The following ERC2 variants were observed in gnomAD, a reference collection of about 807,000 sequenced individuals.
The protein encoded by ERC2 is ELKS/RAB6-interacting/CAST family member 2.
In ERC2, 42 loss-of-function variants were observed where a neutral mutation model predicts 114.8. The ratio of observed to expected loss-of-function variants is 0.37; its 90% CI spans 0.29 to 0.47. The LOEUF (loss-of-function observed/expected upper bound fraction) is 0.47, where lower values mean the gene tolerates loss of function less well. Ranked by LOEUF, ERC2 falls within the 20% of genes least tolerant of loss-of-function variation. ERC2 has a pLI of 0.99. For missense variants in ERC2, 939 were observed against 1,150.7 expected, an observed-to-expected ratio of 0.82 and a Z score of 2.66; for synonymous variants, 454 against 425.5, an observed-to-expected ratio of 1.07 and a Z score of -0.82.
intron 14 of ERC2, among the ~76,000 whole-genome samples, chr3:55,856,598 A>G (rs1226426919): frequency 6.6e-6 from 1 of 152,200 alleles, no homozygotes; most frequent in Admixed American, 6.5e-5. Flanking sequence ...ATACACATAC[A>G]ATATAATGCA....
At chr3:55,814,377 T>C (rs1331004711) in intron 14 of ERC2, among the ~76,000 whole-genome samples, 1 of 152,214 alleles carries the variant, frequency 6.6e-6, no homozygotes, top group Non-Finnish European at 1.5e-5. Context: ...AGTTTATAAA[T>C]TGCTGGAGAA....
chr3:56,143,132 G>C (rs965935014), intron 5 of ERC2, among the ~76,000 whole-genome samples: 5 of 152,146 alleles, frequency 3.3e-5, no homozygotes, highest in African/African-American at 1.2e-4. Context: ...ATATGGTAAG[G>C]TTATTTTTAG....
intron 3 of ERC2, among the ~76,000 whole-genome samples, chr3:56,207,727 C>T (rs577434200): frequency 1.3e-5 from 2 of 152,076 alleles, no homozygotes; most frequent in African/African-American, 2.4e-5. Context: ...TACATGCAAC[C>T]TCTTCACCAT....
chr3:56,257,247 C>CA (rs2052583925), intron 3 of ERC2, among the ~76,000 whole-genome samples: 1 of 152,274 alleles, frequency 6.6e-6, no homozygotes, highest in South Asian at 2.1e-4. Context: ...CAATAAATCC[C>CA]ATCCTCTCTG....
chr3:55,779,418 T>G (rs1023430622), intron 14 of ERC2, among the ~76,000 whole-genome samples: 3 of 151,560 alleles, frequency 2.0e-5, no homozygotes, highest in African/African-American at 7.3e-5. Context: ...GGAGAATCAC[T>G]TAAATCCAGG....
intron 17 of ERC2, among the ~76,000 whole-genome samples, chr3:55,526,615 A>C (rs1418825767): frequency 6.6e-6 from 1 of 152,212 alleles, no homozygotes; most frequent in Non-Finnish European, 1.5e-5. Flanking sequence ...TGAAAGCCCC[A>C]ACAGGTTTTT....
intron 6 of ERC2, among the ~76,000 whole-genome samples, chr3:56,082,547 C>G (rs921097287): frequency 6.6e-6 from 1 of 152,124 alleles, no homozygotes; most frequent in African/African-American, 2.4e-5. Flanking sequence ...CACCTTAACA[C>G]TTGATTGTAT....
At chr3:56,033,370 C>T (rs1220106367) in intron 7 of ERC2, among the ~76,000 whole-genome samples, 5 of 152,264 alleles carry the variant, frequency 3.3e-5, no homozygotes, top group African/African-American at 1.2e-4. Flanking sequence ...TTTTAGAGTA[C>T]CAAAAATGTG....
intron 14 of ERC2, among the ~76,000 whole-genome samples, chr3:55,750,981 T>C (rs2066666087): frequency 6.6e-6 from 1 of 152,230 alleles, no homozygotes; most frequent in South Asian, 2.1e-4. Flanking sequence ...ACTTGAATAG[T>C]CTTATTTAAT....
chr3:56,384,303 A>C (rs1339372010), intron 2 of ERC2, among the ~76,000 whole-genome samples: 1 of 152,100 alleles, frequency 6.6e-6, no homozygotes, highest in African/African-American at 2.4e-5. Context: ...CAGCTGAATC[A>C]TTTTCTATTC....
intron 13 of ERC2, among the ~76,000 whole-genome samples, chr3:55,912,178 G>A (rs1227791651): frequency 6.6e-6 from 1 of 152,200 alleles, no homozygotes; most frequent in African/African-American, 2.4e-5. Flanking sequence ...GGGGTGTGGA[G>A]AGAGAGGTGG....
intron 2 of ERC2, among the ~76,000 whole-genome samples, chr3:56,404,519 C>T (rs2060636526): frequency 6.6e-6 from 1 of 152,038 alleles, no homozygotes; most frequent in Admixed American, 6.6e-5. Context: ...TATGATAACA[C>T]AACAGGGTGA....
chr3:55,650,909 C>T (rs992381009), intron 17 of ERC2, among the ~76,000 whole-genome samples: 2 of 150,748 alleles, frequency 1.3e-5, no homozygotes, highest in South Asian at 2.1e-4. Context: ...TGCGGTGGCG[C>T]GATCTCAGCT....
chr3:56,374,103 T>G (rs917811155), intron 2 of ERC2, among the ~76,000 whole-genome samples: 1 of 152,108 alleles, frequency 6.6e-6, no homozygotes, highest in Non-Finnish European at 1.5e-5. Context: ...GTTTGTTTGT[T>G]TGTTTGTTTT....
intron 2 of ERC2, among the ~76,000 whole-genome samples, chr3:56,404,566 AAGAGTATAATT>A (rs1236229221): frequency 6.6e-6 from 1 of 152,218 alleles, no homozygotes; most frequent in Non-Finnish European, 1.5e-5. Flanking sequence ...TAAAATAGCT[AAGAGTATAATT>A]AGATTGTAAC....
chr3:56,344,565 T>C (rs1313442495), intron 2 of ERC2, among the ~76,000 whole-genome samples: 1 of 152,148 alleles, frequency 6.6e-6, no homozygotes, highest in East Asian at 1.9e-4. Flanking sequence ...TAAGAAAGGG[T>C]GGACCTGACA....
Position 55,753,572 on chromosome 3 carries a change from C to T in ERC2, c.2565-18654G>A, listed in dbSNP as rs576207841. ...TGAAACACTAGCTGGTATGGACACA[C>T]CATGTGCTAGGCACTGCTTCTATTG... is the stretch of plus-strand genomic sequence containing the variant. On this transcript the variant is annotated intron_variant, in intron 14 of 17. Transcript: ENST00000288221. 2.0e-5 allele frequency among the ~76,000 whole-genome samples: 3 copies of T among 152,318 alleles called. No homozygotes were observed. In the South Asian group the frequency reaches 6.2e-4, roughly 32 times the overall value.
At chr3:56,230,052 G>A (rs535749139) in intron 3 of ERC2, among the ~76,000 whole-genome samples, 2 of 151,800 alleles carry the variant, frequency 1.3e-5, no homozygotes, top group Admixed American at 6.6e-5. Flanking sequence ...TTTTAGTAGA[G>A]ACAGGGTTTC....
chr3:55,674,983 A>AT lies in ERC2; in HGVS notation c.*39+8810dup, dbSNP rs1338120031. Among the ~76,000 whole-genome samples, 8 of 152,232 alleles carry AT rather than the reference A, an allele frequency of 5.3e-5. No homozygotes were observed. The East Asian group carries it at 1.5e-3, about 29-fold the overall frequency. On this transcript the variant is annotated intron_variant, in intron 17 of 17. Transcript: ENST00000288221. ...CTTATAAAGGCTCAGCATCTCAGTG[A>AT]TTTTGTCACCATGGGAACAACCCTG... is the stretch of plus-strand genomic sequence containing the variant.
Sources: gnomAD v4.1 joint callset for allele counts (sites outside exome capture counted in the v4.1 genomes callset) on GRCh38, gnomAD v4.1.1 for gene constraint, MANE v1.5 for transcripts, NCBI Gene and HGNC (gene_info 2026-07-23, HGNC 2026-07-21) for gene names.